OR51E1: variants seen among roughly 807,000 people sequenced by gnomAD.
The protein encoded by OR51E1 is olfactory receptor 51E1.
A neutral mutation model predicts 11.5 loss-of-function variants in OR51E1; 9 were observed. That is an observed-to-expected ratio of 0.78 (90% CI 0.47 to 1.37). The LOEUF (loss-of-function observed/expected upper bound fraction) is 1.37. OR51E1 is among the 40% of genes most tolerant of loss of function. OR51E1 has a pLI of 0.00. For synonymous variants in OR51E1, 168 were observed against 158.3 expected (o/e 1.06, Z -0.46); for missense variants, 397 against 410.2 (o/e 0.97, Z 0.28).
chr11:4,648,900 G>T (rs1847060063), intron 1 of OR51E1, among the ~76,000 whole-genome samples: 1 of 152,050 alleles, frequency 6.6e-6, no homozygotes, highest in Admixed American at 6.6e-5. Flanking sequence ...TGGTAAGAAA[G>T]GACTTTTCTG....
In OR51E1 at chr11:4,652,621, T is replaced by C; in HGVS notation, c.95T>C (p.Phe32Ser). ...GLEEAQFWLA[F>S]PLCSLYLIAV... ...GAAGAGGCTCAGTTCTGGTTGGCCTTCCCATTGTGCTCCCTCTACCTTATT... is the reference window on the plus strand; with the variant it reads ...GAAGAGGCTCAGTTCTGGTTGGCCTCCCCATTGTGCTCCCTCTACCTTATT... The change falls in exon 2 of 2, where the codon TTC becomes TCC. Residue 32 changes from phenylalanine to serine, a missense_variant. Physicochemically the swap from Phe to Ser is radical, Grantham distance 155. Coordinates refer to ENST00000396952, the MANE Select transcript of OR51E1 (RefSeq NM_152430.4). The C allele has an allele frequency of 6.2e-7, 1 of 1,614,200 alleles. No individual in the cohort carries two copies. The highest frequency in any genetic ancestry group is 1.1e-5 in the South Asian group (1 of 91,078).
At chr11:4,649,391 G>A (rs7350474) in intron 1 of OR51E1, among the ~76,000 whole-genome samples, 61,178 of 151,782 alleles carry the variant, frequency 0.4, 13,706 homozygotes, top group East Asian at 0.71. Flanking sequence ...CTTGACAAGG[G>A]GATGAGAAGT....
intron 1 of OR51E1, among the ~76,000 whole-genome samples, chr11:4,645,915 T>G (rs1404711644): frequency 6.6e-6 from 1 of 152,184 alleles, no homozygotes; most frequent in Non-Finnish European, 1.5e-5. Flanking sequence ...CTTGCAAGGG[T>G]TCATCTGCTT....
At chr11:4,648,100 C>G (rs751217529) in intron 1 of OR51E1, among the ~76,000 whole-genome samples, 1 of 152,182 alleles carries the variant, frequency 6.6e-6, no homozygotes, top group African/African-American at 2.4e-5. Context: ...CTTCTCCATC[C>G]ATTCATTTCT....
chr11:4,648,011 C>G (rs35394390), intron 1 of OR51E1, among the ~76,000 whole-genome samples: 7,203 of 151,996 alleles, frequency 0.047, 537 homozygotes, highest in African/African-American at 0.16. Flanking sequence ...CTGCCTGTCT[C>G]GTGGAGGGAC....
rs560924436 is a variant in OR51E1 at position 4,652,735 on chromosome 11, C to T, written c.209C>T (p.Ser70Leu). 3 of 1,614,144 alleles carry T rather than the reference C, an allele frequency of 1.9e-6. No individual in the cohort carries two copies. Among genetic ancestry groups the T allele is most frequent in the South Asian group, 2.2e-5 (2 of 91,078 alleles). ...ATGTATATATTTCTTTGCATGCTTTCAGGCATTGACATCCTCATCTCCACC... is the reference window on the plus strand; with the variant it reads ...ATGTATATATTTCTTTGCATGCTTTTAGGCATTGACATCCTCATCTCCACC... ...EPMYIFLCML[S>L]GIDILISTSS... The change falls in exon 2 of 2, where the codon TCA becomes TTA. Residue 70 changes from serine (S) to leucine (L), a missense_variant. Transcript: ENST00000396952.
At position 4,653,542 on chromosome 11, in the gene OR51E1, A is replaced by G. The variant is rs1589863023; in HGVS notation, c.*59A>G. The G allele has an allele frequency of 8.3e-6, 9 of 1,088,210 alleles. No individual in the cohort carries two copies. The highest frequency in any genetic ancestry group is 1.2e-5 in the Non-Finnish European group (9 of 748,126). The allele number at this position is 1,088,210 out of a possible 1,614,324, so 67.4% of individuals were successfully genotyped here. On this transcript the variant is annotated 3_prime_UTR_variant, in exon 2 of 2. Transcript: ENST00000396952. ...TCCTCTGATTCAGATTTTAATGTTA[A>G]CATTTTGGAAGACAGTATTCAGAAA... is the stretch of plus-strand genomic sequence containing the variant.
intron 1 of OR51E1, among the ~76,000 whole-genome samples, chr11:4,646,183 G>C (rs1176027589): frequency 1.3e-5 from 2 of 152,150 alleles, no homozygotes; most frequent in African/African-American, 2.4e-5. Flanking sequence ...TATTCCCAGA[G>C]GCTGACAGCA....
chr11:4,645,173 T>C (rs181547055), intron 1 of OR51E1, among the ~76,000 whole-genome samples: 3 of 152,212 alleles, frequency 2.0e-5, no homozygotes, highest in Non-Finnish European at 4.4e-5. Flanking sequence ...TACTTCTCAT[T>C]ATTGGCCTCG....
At position 4,653,287 on chromosome 11, in the gene OR51E1, A is replaced by G. The variant is rs1479052244; in HGVS notation, c.761A>G (p.Tyr254Cys). ...VSHVCAVFIF[Y>C]VPFIGLSMVH... The stretch of plus-strand genomic sequence containing the variant: ...CATGTGTGTGCTGTGTTCATATTCT[A>G]TGTACCTTTCATTGGATTGTCCATG... The change falls in exon 2 of 2, where the codon TAT becomes TGT. Residue 254 changes from tyrosine (Y) to cysteine (C), a missense_variant. Coordinates refer to ENST00000396952, the MANE Select transcript of OR51E1 (RefSeq NM_152430.4). 3 of 1,613,944 alleles carry G rather than the reference A, an allele frequency of 1.9e-6. No homozygotes were observed. Among genetic ancestry groups the G allele is most frequent in the Admixed American group, 1.7e-5 (1 of 59,986 alleles).
At chr11:4,649,205 G>A (rs1046130424) in intron 1 of OR51E1, among the ~76,000 whole-genome samples, 2 of 152,038 alleles carry the variant, frequency 1.3e-5, no homozygotes, top group African/African-American at 2.4e-5. Flanking sequence ...TTATCAAGAG[G>A]GTAAATACTT....
rs1257993517 is a variant in OR51E1, at chr11:4,654,502, A to C, written c.*1019A>C. On this transcript the variant is annotated 3_prime_UTR_variant, in exon 2 of 2. Transcript: ENST00000396952. The stretch of plus-strand genomic sequence containing the variant: ...CATTATGGAAGATTCTTATTCAGAA[A>C]GTCTGCATAGGGCTTATAGCAAGTT... 1 of 167,094 alleles carries C rather than the reference A, an allele frequency of 6.0e-6. No homozygotes were observed. Among genetic ancestry groups the C allele is most frequent in the Non-Finnish European group, 1.5e-5 (1 of 68,132 alleles). The allele number at this position is 167,094 out of a possible 1,614,324, so 10.4% of individuals were successfully genotyped here.
rs1008358582 is a variant in OR51E1 at position 4,654,533 on chromosome 11, T to C, written c.*1050T>C. Reference sequence around the variant, plus strand: ...CATAGGGCTTATAGCAAGTTATTTATTTTTAAAAGTTCCATAGGTGATTCT... The same window carrying C: ...CATAGGGCTTATAGCAAGTTATTTACTTTTAAAAGTTCCATAGGTGATTCT... On this transcript the variant is annotated 3_prime_UTR_variant, in exon 2 of 2. Transcript: ENST00000396952. 7 of 167,122 alleles carry C rather than the reference T, an allele frequency of 4.2e-5. No individual in the cohort carries two copies. The highest frequency in any genetic ancestry group is 1.7e-4 in the African/African-American group (7 of 41,462). 10.4% of individuals were successfully genotyped at this position (167,122 alleles called of 1,614,324 possible).
chr11:4,652,562 T>C lies in OR51E1; in HGVS notation c.36T>C (p.Ala12=), dbSNP rs1847111842. ...ATCCCAATGGCAATGAATCCAGTGC[T>C]ACATACTTCATCCTAATAGGCCTCC... ...MVDPNGNESS[A]TYFILIGLPG... is the part of the protein sequence containing the mutation. Residue 12 remains alanine, a synonymous_variant, in exon 2 of 2, where the codon GCT becomes GCC. Coordinates refer to ENST00000396952, the MANE Select transcript of OR51E1 (RefSeq NM_152430.4). The C allele has an allele frequency of 6.2e-7, 1 of 1,614,032 alleles. No individual in the cohort carries two copies. The highest frequency in any genetic ancestry group is 1.7e-5 in the Admixed American group (1 of 60,020).
chr11:4,648,750 G>C (rs1409735805), intron 1 of OR51E1, among the ~76,000 whole-genome samples: 1 of 152,182 alleles, frequency 6.6e-6, no homozygotes, highest in Admixed American at 6.5e-5. Flanking sequence ...TCTTGCCAGT[G>C]TTTCCAGGTG....
chr11:4,651,073 C>T (rs769338839), intron 1 of OR51E1, among the ~76,000 whole-genome samples: 11 of 152,296 alleles, frequency 7.2e-5, no homozygotes, highest in Non-Finnish European at 1.6e-4. Context: ...TCAGTTCACT[C>T]TTAACAGACA....
In OR51E1 at chr11:4,652,791, T is replaced by C. The variant is rs757930350; in HGVS notation, c.265T>C (p.Trp89Arg). Residue 89 changes from tryptophan (W) to arginine (R), a missense_variant, in exon 2 of 2, where the codon TGG becomes CGG. By Grantham distance (101) the Trp-to-Arg change is moderately radical. Transcript: ENST00000396952. ...SSMPKMLAIF[W>R]FNSTTIQFDA... Reference sequence around the variant, plus strand: ...CATGCCCAAAATGCTGGCCATCTTCTGGTTCAATTCCACTACCATCCAGTT... The same window carrying C: ...CATGCCCAAAATGCTGGCCATCTTCCGGTTCAATTCCACTACCATCCAGTT... 6.2e-7 allele frequency: 1 copy of C among 1,614,222 alleles called. No homozygotes were observed. Among genetic ancestry groups the C allele is most frequent in the South Asian group, 1.1e-5 (1 of 91,084 alleles).
At position 4,653,198 on chromosome 11, in the gene OR51E1, T is replaced by C; in HGVS notation, c.672T>C (p.Ile224=). 1 of 1,614,162 alleles carries C rather than the reference T, an allele frequency of 6.2e-7. No individual in the cohort carries two copies. ...TCATCTCCTTCTCATATCTGCTTAT[T>C]CTTAAGACTGTGTTGGGCTTGACAC... ...SLLISFSYLL[I]LKTVLGLTRE... is the part of the protein sequence containing the mutation. Residue 224 remains isoleucine, a synonymous_variant, in exon 2 of 2, where the codon ATT becomes ATC. Coordinates refer to ENST00000396952, the MANE Select transcript of OR51E1 (RefSeq NM_152430.4).
chr11:4,648,053 A>T (rs138899230), intron 1 of OR51E1, among the ~76,000 whole-genome samples: 3 of 152,252 alleles, frequency 2.0e-5, no homozygotes, highest in Admixed American at 2.0e-4. Flanking sequence ...AGGGCTGGCC[A>T]GTCTGAACGG....
Sources: gnomAD v4.1 joint callset for allele counts (sites outside exome capture counted in the v4.1 genomes callset) on GRCh38, gnomAD v4.1.1 for gene constraint, MANE v1.5 for transcripts, NCBI Gene and HGNC (gene_info 2026-07-23, HGNC 2026-07-21) for gene names.